STXBP5L: variants seen among roughly 807,000 people sequenced by gnomAD.
STXBP5L encodes the protein syntaxin-binding protein 5-like.
In STXBP5L, 65 loss-of-function variants were observed where a neutral mutation model predicts 144.5. The observed-to-expected ratio is 0.45, with a 90% CI of 0.37 to 0.55. The LOEUF is 0.55. STXBP5L is among the 20% of genes least tolerant of loss of function. The pLI is 0.00. For synonymous variants in STXBP5L, 505 were observed against 469.6 expected (o/e 1.08, Z -0.97); for missense variants, 1,298 against 1,405.5 (o/e 0.92, Z 1.22).
intron 5 of STXBP5L, among the ~76,000 whole-genome samples, chr3:121,096,784 C>G (rs1439483870): frequency 2.0e-5 from 3 of 152,148 alleles, no homozygotes; most frequent in Non-Finnish European, 2.9e-5. Context: ...TCTGTCAGCC[C>G]CTACTGGGAG....
chr3:121,089,224 A>C (rs1182417178), intron 5 of STXBP5L, among the ~76,000 whole-genome samples: 14 of 151,232 alleles, frequency 9.3e-5, no homozygotes, highest in African/African-American at 2.7e-4. Context: ...TGATTTTTAA[A>C]AGTTTCTTCT....
At chr3:121,022,143 T>C (rs1391982999) in intron 3 of STXBP5L, among the ~76,000 whole-genome samples, 2 of 152,096 alleles carry the variant, frequency 1.3e-5, no homozygotes, top group African/African-American at 2.4e-5. Context: ...TGAACACCTT[T>C]ATGTGCATAA....
chr3:121,064,923 G>T (rs1455470316), intron 5 of STXBP5L, among the ~76,000 whole-genome samples: 1 of 152,082 alleles, frequency 6.6e-6, no homozygotes, highest in Non-Finnish European at 1.5e-5. Context: ...AGTTCATAGT[G>T]TCCATTCTTC....
rs372846210 is a variant in STXBP5L at position 120,995,933 on chromosome 3, G to A, written c.287+40896G>A. ...GGAAATTCCTTTAGCCATTTTCAAG[G>A]GTAGGTTTTACAGAATCAAATTATC... On this transcript the variant is annotated intron_variant, in intron 3 of 26. Coordinates refer to ENST00000471454, the MANE Select transcript of STXBP5L (RefSeq NM_001308330.2). 2.5e-3 allele frequency among the ~76,000 whole-genome samples: 387 copies of A among 151,990 alleles called. 4 individuals are homozygous for A. The highest frequency in any genetic ancestry group is 8.7e-3 in the African/African-American group (361 of 41,474).
intron 3 of STXBP5L, among the ~76,000 whole-genome samples, chr3:120,990,424 C>A (rs1427952731): frequency 6.6e-6 from 1 of 152,130 alleles, no homozygotes; most frequent in Non-Finnish European, 1.5e-5. Context: ...ATCAAGCTAC[C>A]AATGACTTTC....
chr3:120,955,135 A>G (rs1576479383), intron 3 of STXBP5L, 98 bp downstream of exon 3: 1 of 845,212 alleles, frequency 1.2e-6, no homozygotes, highest in East Asian at 2.8e-5. Flanking sequence ...AATAAAGTTT[A>G]TTATTTTTTA....
chr3:121,121,435 G>C (rs1319331868), intron 6 of STXBP5L, among the ~76,000 whole-genome samples: 2 of 151,172 alleles, frequency 1.3e-5, no homozygotes, highest in African/African-American at 4.8e-5. Flanking sequence ...GATTTTTAAA[G>C]AAAAACATAA....
At chr3:121,028,195 T>A (rs1232794156) in intron 3 of STXBP5L, among the ~76,000 whole-genome samples, 1 of 152,094 alleles carries the variant, frequency 6.6e-6, no homozygotes, top group Non-Finnish European at 1.5e-5. Context: ...AATCACTGAC[T>A]ACATTTTCAT....
rs2108375421 is a variant in STXBP5L at position 121,255,061 on chromosome 3, A to C, written c.1608A>C (p.Ala536=). 6.2e-7 allele frequency: 1 copy of C among 1,606,886 alleles called. No individual in the cohort carries two copies. The highest frequency in any genetic ancestry group is 1.1e-5 in the South Asian group (1 of 89,434). The change falls in exon 16 of 27, where the codon GCA becomes GCC. Residue 536 remains alanine, a synonymous_variant. Transcript: ENST00000471454. ...SRIFCVSGVS[A]YVIIYKFSRH... ...TATTCTGTGTATCAGGAGTCTCTGC[A>C]TATGTCATAATTTATAAATTCAGCA... is the stretch of plus-strand genomic sequence containing the variant.
intron 9 of STXBP5L, among the ~76,000 whole-genome samples, chr3:121,199,084 A>G (rs1009637193): frequency 6.6e-6 from 1 of 152,100 alleles, no homozygotes; most frequent in Non-Finnish European, 1.5e-5. Context: ...CAGTATGGCC[A>G]TTTCACAATA....
chr3:121,352,399 A>C (rs978916183), intron 20 of STXBP5L, among the ~76,000 whole-genome samples: 1 of 152,076 alleles, frequency 6.6e-6, no homozygotes, highest in Admixed American at 6.5e-5. Context: ...GGTCCTTCAC[A>C]TCCCTTGTAA....
At chr3:121,222,591 C>T (rs1441971877) in intron 10 of STXBP5L, among the ~76,000 whole-genome samples, 1 of 149,574 alleles carries the variant, frequency 6.7e-6, no homozygotes, top group Non-Finnish European at 1.5e-5. Flanking sequence ...TCTCTTTTCT[C>T]TTGTACAGAT....
At chr3:121,119,593 T>C (rs1315950600) in intron 6 of STXBP5L, among the ~76,000 whole-genome samples, 1 of 151,344 alleles carries the variant, frequency 6.6e-6, no homozygotes, top group African/African-American at 2.4e-5. Context: ...GATAATTCTA[T>C]CTAAAGAATT....
At chr3:121,132,100 C>T (rs1055214103) in intron 7 of STXBP5L, among the ~76,000 whole-genome samples, 3 of 152,150 alleles carry the variant, frequency 2.0e-5, no homozygotes, top group East Asian at 1.9e-4. Context: ...TCTTGCCAGT[C>T]TTGGAGCACT....
intron 19 of STXBP5L, among the ~76,000 whole-genome samples, chr3:121,309,640 G>A (rs1024266327): frequency 5.3e-5 from 8 of 152,004 alleles, no homozygotes; most frequent in South Asian, 2.1e-4. Context: ...AGAAGACCTC[G>A]ATACCAAAAT....
chr3:121,239,032 G>A lies in STXBP5L; in HGVS notation c.1246G>A (p.Ala416Thr). 6.2e-7 allele frequency: 1 copy of A among 1,609,482 alleles called. No individual in the cohort carries two copies. The highest frequency in any genetic ancestry group is 8.5e-7 in the Non-Finnish European group (1 of 1,177,950). Residue 416 changes from alanine (A) to threonine (T), a missense_variant, in exon 13 of 27, where the codon GCA (alanine) becomes ACA (threonine). Coordinates refer to ENST00000471454, the MANE Select transcript of STXBP5L (RefSeq NM_001308330.2). ...DIHESPVTCT[A>T]YFADCPPDLI... ...TCATGAATCACCAGTTACATGCACAGCATACTTTGCAGATTGTCCTCCGGA... is the reference window on the plus strand; with the variant it reads ...TCATGAATCACCAGTTACATGCACAACATACTTTGCAGATTGTCCTCCGGA...
intron 20 of STXBP5L, among the ~76,000 whole-genome samples, chr3:121,352,862 A>G (rs2045349050): frequency 6.6e-6 from 1 of 152,106 alleles, no homozygotes; most frequent in East Asian, 1.9e-4. Flanking sequence ...TTCCATCAAT[A>G]TCTAGTTTAT....
At chr3:121,379,207 T>C (rs2046268804) in intron 21 of STXBP5L, among the ~76,000 whole-genome samples, 2 of 152,162 alleles carry the variant, frequency 1.3e-5, no homozygotes, top group African/African-American at 4.8e-5. Context: ...TGGTAAGCTT[T>C]TTGGTGTCTC....
chr3:121,413,474 C>A, intron 24 of STXBP5L, 151 bp downstream of exon 24: 1 of 636,226 alleles, frequency 1.6e-6, no homozygotes, highest in Non-Finnish European at 2.4e-6. Context: ...TTGAGCCTAC[C>A]AACTTCTAGT....
Sources: gnomAD v4.1 joint callset for allele counts (sites outside exome capture counted in the v4.1 genomes callset) on GRCh38, gnomAD v4.1.1 for gene constraint, MANE v1.5 for transcripts, NCBI Gene and HGNC (gene_info 2026-07-23, HGNC 2026-07-21) for gene names.